CCDC50: variants seen among roughly 807,000 people sequenced by gnomAD.
CCDC50 encodes coiled-coil domain-containing protein 50.
In CCDC50, 54 loss-of-function variants were observed where a neutral mutation model predicts 70.2. The observed-to-expected ratio is 0.77, with a 90% CI of 0.62 to 0.96. The LOEUF (loss-of-function observed/expected upper bound fraction) is 0.96, where lower values mean the gene tolerates loss of function less well. CCDC50 is among the 50% of genes least tolerant of loss of function. CCDC50 has a pLI of 0.00. For synonymous variants in CCDC50, 216 were observed against 198.8 expected (o/e 1.09, Z -0.73); for missense variants, 558 against 578.7 (o/e 0.96, Z 0.37).
chr3:191,362,618 A>T (rs553812329), intron 4 of CCDC50, among the ~76,000 whole-genome samples: 14 of 152,344 alleles, frequency 9.2e-5, no homozygotes, highest in African/African-American at 3.1e-4. Flanking sequence ...GGTTATAAGC[A>T]TGGTGTTAAT....
intron 1 of CCDC50, among the ~76,000 whole-genome samples, chr3:191,337,434 G>A (rs941835937): frequency 6.6e-6 from 1 of 150,854 alleles, no homozygotes; most frequent in African/African-American, 2.4e-5. Context: ...TAGCTCTGAC[G>A]CCCAGGCTCG....
At position 191,357,145 on chromosome 3, in the gene CCDC50, A is replaced by C. The variant is rs760269709; in HGVS notation, c.107A>C (p.Gln36Pro). The C allele has an allele frequency of 6.2e-7, 1 of 1,613,184 alleles. No homozygotes were observed. The highest frequency in any genetic ancestry group is 8.5e-7 in the Non-Finnish European group (1 of 1,179,360). Reference sequence around the variant, plus strand: ...ACCCTGGCTCACAGCCTGCAGGAACAAGAGAGTGAGTAATACCTCTCATTT... The same window carrying C: ...ACCCTGGCTCACAGCCTGCAGGAACCAGAGAGTGAGTAATACCTCTCATTT... ...DHTLAHSLQE[Q>P]EIEHHLASNV... Residue 36 changes from glutamine (Q) to proline (P), a missense_variant, in exon 2 of 12, where the codon CAA becomes CCA. Gln to Pro is a moderately conservative substitution (Grantham distance 76). Coordinates refer to ENST00000392455, the MANE Select transcript of CCDC50 (RefSeq NM_178335.3).
chr3:191,333,645 T>C (rs991897204), intron 1 of CCDC50, among the ~76,000 whole-genome samples: 2 of 152,204 alleles, frequency 1.3e-5, no homozygotes, highest in Admixed American at 1.3e-4. Context: ...GAATGTCTTT[T>C]ATGTAATCAG....
At chr3:191,347,148 G>A (rs934776073) in intron 1 of CCDC50, among the ~76,000 whole-genome samples, 2 of 142,380 alleles carry the variant, frequency 1.4e-5, no homozygotes, top group African/African-American at 5.0e-5. Context: ...TATCTGTGAT[G>A]TTTATTGCAG....
At chr3:191,368,665 C>A (rs1482160409) in intron 4 of CCDC50, among the ~76,000 whole-genome samples, 2 of 152,010 alleles carry the variant, frequency 1.3e-5, no homozygotes, top group Non-Finnish European at 2.9e-5. Context: ...AATAGTAATT[C>A]TTTAAATTTA....
At chr3:191,342,571 G>A (rs556554118) in intron 1 of CCDC50, among the ~76,000 whole-genome samples, 2 of 152,298 alleles carry the variant, frequency 1.3e-5, no homozygotes, top group Non-Finnish European at 2.9e-5. Context: ...AGCTGGGCTG[G>A]AAGTGATCTT....
chr3:191,365,414 C>T (rs1420586501), intron 4 of CCDC50, among the ~76,000 whole-genome samples: 1 of 151,780 alleles, frequency 6.6e-6, no homozygotes, highest in Non-Finnish European at 1.5e-5. Flanking sequence ...ACAGTAATAC[C>T]ATTTAGCTAT....
chr3:191,364,767 G>A lies in CCDC50; in HGVS notation c.330+3608G>A, dbSNP rs189619046. Among the ~76,000 whole-genome samples, 219 of 151,656 alleles carry A rather than the reference G, an allele frequency of 1.4e-3. 1 individual carries two copies. Among genetic ancestry groups the A allele is most frequent in the African/African-American group, 5.1e-3 (209 of 41,152 alleles). ...CCATGCAGGACACAGATGTGGAAAA[G>A]TTGAAAAAAAAATTTTTTTTTCGGT... On this transcript the variant is annotated intron_variant, in intron 4 of 11. Coordinates refer to ENST00000392455, the MANE Select transcript of CCDC50 (RefSeq NM_178335.3).
chr3:191,377,176 A>T (rs935194983), intron 6 of CCDC50, among the ~76,000 whole-genome samples: 10 of 152,114 alleles, frequency 6.6e-5, no homozygotes, highest in Non-Finnish European at 1.3e-4. Flanking sequence ...TGCTTTTTAT[A>T]TTTTACCTTT....
intron 3 of CCDC50, among the ~76,000 whole-genome samples, chr3:191,359,406 G>C (rs796273936): frequency 1.3e-5 from 2 of 152,172 alleles, no homozygotes; most frequent in Non-Finnish European, 2.9e-5. Context: ...GGCCAGGAAA[G>C]TAGTCAAAAG....
chr3:191,385,664 T>C (rs553948294), intron 10 of CCDC50, among the ~76,000 whole-genome samples: 6 of 140,922 alleles, frequency 4.3e-5, no homozygotes, highest in African/African-American at 1.5e-4. Context: ...GTCCTATTTG[T>C]CTGTTTTTGA....
In CCDC50 at chr3:191,393,951, A is replaced by G. The variant is rs763215126; in HGVS notation, c.*2191A>G. The G allele has an allele frequency of 7.9e-5, 12 of 152,116 alleles. No homozygotes were observed. Among genetic ancestry groups the G allele is most frequent in the South Asian group, 2.1e-4 (1 of 4,824 alleles). 9.4% of individuals were successfully genotyped at this position (152,116 alleles called of 1,614,324 possible). ...TTATTTCATAAATATTTATTTTTCTATCTCATACAATGATCAGTTTTACTT... is the reference window on the plus strand; with the variant it reads ...TTATTTCATAAATATTTATTTTTCTGTCTCATACAATGATCAGTTTTACTT... On this transcript the variant is annotated 3_prime_UTR_variant, in exon 12 of 12. Transcript: ENST00000392455.
At position 191,397,459 on chromosome 3, in the gene CCDC50, A is replaced by G. The variant is rs941734882; in HGVS notation, c.*5699A>G. 1 of 152,244 alleles carries G rather than the reference A, an allele frequency of 6.6e-6. No individual in the cohort carries two copies. 9.4% of individuals were successfully genotyped at this position (152,244 alleles called of 1,614,324 possible). ...CCCAATATTTATTTCATAAAGTGTT[A>G]TAAATATTGAGAAGATACACTGGGG... On this transcript the variant is annotated 3_prime_UTR_variant, in exon 12 of 12. Transcript: ENST00000392455.
intron 4 of CCDC50, among the ~76,000 whole-genome samples, chr3:191,362,725 C>G (rs1712536347): frequency 6.6e-6 from 1 of 152,178 alleles, no homozygotes; most frequent in South Asian, 2.1e-4. Context: ...ACATACACTG[C>G]TACTCCTACT....
chr3:191,379,475 A>G (rs1300691191), intron 6 of CCDC50, among the ~76,000 whole-genome samples: 1 of 152,132 alleles, frequency 6.6e-6, no homozygotes, highest in Non-Finnish European at 1.5e-5. Flanking sequence ...TAAAGCCAGA[A>G]TTGCTTTATA....
chr3:191,387,398 C>T lies in CCDC50; in HGVS notation c.1323-2098C>T, dbSNP rs182898743. On this transcript the variant is annotated intron_variant, in intron 10 of 11. Transcript: ENST00000392455. The stretch of plus-strand genomic sequence containing the variant: ...GTCTTAATACAATAAAACTGTACAA[C>T]AAAGTTAGTTAATAAGATTTTTCTA... 5.6e-4 allele frequency among the ~76,000 whole-genome samples: 85 copies of T among 152,168 alleles called. No individual in the cohort carries two copies. The East Asian group carries it at 0.014, about 25-fold the overall frequency.
In CCDC50 at chr3:191,375,191, A is replaced by G. The variant is rs780835403; in HGVS notation, c.578A>G (p.Glu193Gly). Residue 193 changes from glutamate (E) to glycine (G), a missense_variant, in exon 6 of 12, where the codon GAG becomes GGG. Transcript: ENST00000392455. ...GAACATCCACTGGAGAACTTGGAAG[A>G]GCCAGAACAACATTGTTCATCGAAG... ...KPEHPLENLEEPEQHCSSKRS... is the reference protein window; with the variant it reads ...KPEHPLENLEGPEQHCSSKRS... The G allele has an allele frequency of 6.2e-7, 1 of 1,613,822 alleles. No individual in the cohort carries two copies. The highest frequency in any genetic ancestry group is 8.5e-7 in the Non-Finnish European group (1 of 1,179,812).
Position 191,369,933 on chromosome 3 carries a change from T to C in CCDC50, c.345T>C (p.Leu115=). The C allele has an allele frequency of 6.2e-7, 1 of 1,612,792 alleles. No homozygotes were observed. Among genetic ancestry groups the C allele is most frequent in the Non-Finnish European group, 8.5e-7 (1 of 1,179,040 alleles). The part of the protein sequence containing the change: ...QEKKDEDIAR[L]LQEKELQEEK... The stretch of plus-strand genomic sequence containing the variant: ...TGTCTTTGCAGGACATAGCTCGCCT[T>C]TTGCAAGAAAAGGAGTTACAGGAAG... Residue 115 remains leucine (L), a synonymous_variant, in exon 5 of 12, where the codon CTT becomes CTC. Coordinates refer to ENST00000392455, the MANE Select transcript of CCDC50 (RefSeq NM_178335.3).
At chr3:191,355,689 G>C (rs573826513) in intron 1 of CCDC50, among the ~76,000 whole-genome samples, 5 of 152,276 alleles carry the variant, frequency 3.3e-5, no homozygotes, top group African/African-American at 1.2e-4. Context: ...CTAGGACCTG[G>C]GCTTCAAGAT....
Sources: gnomAD v4.1 joint callset for allele counts (sites outside exome capture counted in the v4.1 genomes callset) on GRCh38, gnomAD v4.1.1 for gene constraint, MANE v1.5 for transcripts, NCBI Gene and HGNC (gene_info 2026-07-23, HGNC 2026-07-21) for gene names.